The following METTL15 variants were observed in gnomAD, a reference collection of about 807,000 sequenced individuals.
The protein encoded by METTL15 is methyltransferase 15, mitochondrial 12S rRNA N4-cytidine.
In METTL15, 34 loss-of-function variants were observed where a neutral mutation model predicts 38.3. That is an observed-to-expected ratio of 0.89 (90% CI 0.68 to 1.18). The LOEUF (loss-of-function observed/expected upper bound fraction) is 1.18. Ranked by LOEUF, METTL15 falls within the 50% of genes most tolerant of loss-of-function variation. METTL15 has a pLI of 0.00. For missense variants in METTL15, 438 were observed against 498.4 expected (o/e 0.88, Z 1.15); for synonymous variants, 162 against 170.9 (o/e 0.95, Z 0.41).
In METTL15 at chr11:28,505,046, T is replaced by C. The variant is rs532121331; in HGVS notation, c.*425-21432T>C. On this transcript the variant is annotated intron_variant and NMD_transcript_variant, in intron 6 of 7. Transcript: ENST00000532947. ...GGCCATTCCCAGTCTTAGTTAAAGC[T>C]GGTTGCATTGGCTTCTGGCATAAAG... 3.3e-5 allele frequency among the ~76,000 whole-genome samples: 5 copies of C among 152,300 alleles called. No homozygotes were observed. In the East Asian group the frequency reaches 9.7e-4, roughly 29 times the overall value.
intron 5 of METTL15, among the ~76,000 whole-genome samples, chr11:28,379,405 A>G (rs894815861): frequency 4.6e-5 from 7 of 151,838 alleles, no homozygotes; most frequent in Admixed American, 3.9e-4. Flanking sequence ...GGTCTGTTGT[A>G]TTTCAATTTT....
intron 5 of METTL15, among the ~76,000 whole-genome samples, chr11:28,404,489 G>A (rs1273091548): frequency 6.6e-6 from 1 of 152,026 alleles, no homozygotes; most frequent in Non-Finnish European, 1.5e-5. Context: ...GGTGGAAGGG[G>A]CAAGGCAGCT....
chr11:28,306,222 T>C (rs931270312), intron 6 of METTL15, among the ~76,000 whole-genome samples: 4 of 152,118 alleles, frequency 2.6e-5, no homozygotes, highest in Non-Finnish European at 4.4e-5. Flanking sequence ...TTTCTTGTTA[T>C]TTTATACTTT....
At chr11:28,455,240 T>C (rs1851157726) in intron 6 of METTL15, among the ~76,000 whole-genome samples, 1 of 120,056 alleles carries the variant, frequency 8.3e-6, no homozygotes, top group African/African-American at 2.7e-5. Flanking sequence ...TTTTTTTTTT[T>C]TCAGTGAAGC....
intron 3 of METTL15, among the ~76,000 whole-genome samples, chr11:28,181,804 C>G (rs1590119085): frequency 1.3e-5 from 2 of 152,092 alleles, no homozygotes; most frequent in Admixed American, 6.6e-5. Context: ...AATGATATTT[C>G]TAGTTCTAGA....
At chr11:28,481,656 G>T (rs1851396231) in intron 6 of METTL15, among the ~76,000 whole-genome samples, 1 of 152,124 alleles carries the variant, frequency 6.6e-6, no homozygotes, top group South Asian at 2.1e-4. Flanking sequence ...TCCCATCCTG[G>T]CCCAGAGGTA....
intron 4 of METTL15, among the ~76,000 whole-genome samples, chr11:28,232,377 A>C (rs1200869287): frequency 6.6e-6 from 1 of 151,840 alleles, no homozygotes; most frequent in Non-Finnish European, 1.5e-5. Context: ...AGATGCTTAG[A>C]TACTCTATAT....
intron 3 of METTL15, among the ~76,000 whole-genome samples, chr11:28,116,767 T>G (rs1421953936): frequency 2.0e-5 from 3 of 152,168 alleles, no homozygotes; most frequent in East Asian, 1.9e-4. Flanking sequence ...TAAAAAATTT[T>G]TTTTTAAATT....
At chr11:28,214,916 G>C (rs1335410072) in intron 4 of METTL15, among the ~76,000 whole-genome samples, 1 of 152,272 alleles carries the variant, frequency 6.6e-6, no homozygotes, top group East Asian at 1.9e-4. Context: ...TTCCTTTCCA[G>C]CATAAGGGTC....
chr11:28,351,396 G>A (rs1037477807), intron 3 of METTL15, among the ~76,000 whole-genome samples: 6 of 152,106 alleles, frequency 3.9e-5, no homozygotes, highest in Admixed American at 3.9e-4. Context: ...GATTATAGGC[G>A]TGAGCCACTG....
At chr11:28,322,763 C>T (rs778211121) in intron 6 of METTL15, among the ~76,000 whole-genome samples, 2 of 152,058 alleles carry the variant, frequency 1.3e-5, no homozygotes, top group African/African-American at 4.8e-5. Flanking sequence ...GTACAGTTCA[C>T]ACGTTTATTG....
chr11:28,510,857 C>A (rs879873975), intron 6 of METTL15, among the ~76,000 whole-genome samples: 5 of 152,164 alleles, frequency 3.3e-5, no homozygotes, highest in Non-Finnish European at 5.9e-5. Context: ...TAATCTCAGA[C>A]TTCCTCAAGT....
At chr11:28,173,963 A>G (rs1168408875) in intron 3 of METTL15, among the ~76,000 whole-genome samples, 1 of 152,152 alleles carries the variant, frequency 6.6e-6, no homozygotes, top group Non-Finnish European at 1.5e-5. Flanking sequence ...ATGTACTATC[A>G]ATATGATTTT....
intron 6 of METTL15, among the ~76,000 whole-genome samples, chr11:28,468,240 A>G (rs1326661502): frequency 6.6e-6 from 1 of 152,138 alleles, no homozygotes; most frequent in African/African-American, 2.4e-5. Flanking sequence ...AAATTAAACT[A>G]CATGTTTTAT....
chr11:28,165,907 A>G (rs1024549473), intron 3 of METTL15, among the ~76,000 whole-genome samples: 2 of 152,042 alleles, frequency 1.3e-5, no homozygotes, highest in Non-Finnish European at 2.9e-5. Flanking sequence ...TGTTGAAGAG[A>G]CTGTCTTTTC....
At chr11:28,175,323 A>G (rs1590110323) in intron 3 of METTL15, among the ~76,000 whole-genome samples, 2 of 152,278 alleles carry the variant, frequency 1.3e-5, no homozygotes, top group South Asian at 2.1e-4. Flanking sequence ...TATATGTGCC[A>G]CATTTTCTTA....
intron 3 of METTL15, among the ~76,000 whole-genome samples, chr11:28,153,309 A>C (rs759521826): frequency 9.2e-5 from 14 of 152,102 alleles, no homozygotes; most frequent in Non-Finnish European, 1.8e-4. Flanking sequence ...AATCATCTCT[A>C]GATTACTTAT....
intron 6 of METTL15, among the ~76,000 whole-genome samples, chr11:28,492,841 A>T (rs1054496434): frequency 6.6e-6 from 1 of 152,158 alleles, no homozygotes; most frequent in Non-Finnish European, 1.5e-5. Flanking sequence ...ATAGTTGAAG[A>T]TCAGTAAGGA....
chr11:28,328,087 A>G, intron 6 of METTL15: 1 of 1,605,836 alleles, frequency 6.2e-7, no homozygotes. Context: ...GTTTGTTCAT[A>G]TTCTTAGAAT....
Sources: gnomAD v4.1 joint callset for allele counts (sites outside exome capture counted in the v4.1 genomes callset) on GRCh38, gnomAD v4.1.1 for gene constraint, MANE v1.5 for transcripts, NCBI Gene and HGNC (gene_info 2026-07-23, HGNC 2026-07-21) for gene names.